The following CRYBG1 variants were observed in gnomAD, a reference collection of about 807,000 sequenced individuals.
The protein encoded by CRYBG1 is beta/gamma crystallin domain-containing protein 1.
Under a neutral mutation model 189.2 loss-of-function variants are expected in CRYBG1, and 139 were observed. The observed-to-expected ratio is 0.73, with a 90% CI of 0.64 to 0.85. CRYBG1 has a LOEUF of 0.85. Ranked by LOEUF, CRYBG1 falls within the 40% of genes least tolerant of loss-of-function variation. The pLI is 0.00. For missense variants in CRYBG1, 2,611 were observed against 2,675.8 expected, an observed-to-expected ratio of 0.98 and a Z score of 0.53; for synonymous variants, 1,023 against 1,017.1, an observed-to-expected ratio of 1.01 and a Z score of -0.11.
At chr6:106,436,593 G>A (rs1381119647) in intron 1 of CRYBG1, among the ~76,000 whole-genome samples, 3 of 90,524 alleles carry the variant, frequency 3.3e-5, no homozygotes, top group South Asian at 4.8e-4. Flanking sequence ...GCGCCCGGCC[G>A]CAATCTTATT....
intron 1 of CRYBG1, among the ~76,000 whole-genome samples, chr6:106,362,374 A>G (rs1244127266): frequency 3.9e-5 from 6 of 152,200 alleles, no homozygotes; most frequent in African/African-American, 1.4e-4. Context: ...AAAAACAATG[A>G]GAGACAGGAA....
intron 1 of CRYBG1, among the ~76,000 whole-genome samples, chr6:106,404,839 T>A (rs1770792352): frequency 6.6e-6 from 1 of 152,086 alleles, no homozygotes; most frequent in South Asian, 2.1e-4. Context: ...TGAGGAACGG[T>A]GCACTCTGGC....
At chr6:106,372,289 T>G (rs1050485387) in intron 1 of CRYBG1, among the ~76,000 whole-genome samples, 1 of 152,182 alleles carries the variant, frequency 6.6e-6, no homozygotes, top group East Asian at 1.9e-4. Flanking sequence ...GGGTCTCCAG[T>G]TGCTCAGGCT....
intron 2 of CRYBG1, among the ~76,000 whole-genome samples, chr6:106,504,029 GA>G (rs33971164): frequency 5.1e-4 from 45 of 88,544 alleles, no homozygotes; most frequent in Middle Eastern, 6.8e-3. Context: ...GACAGCATTA[GA>G]AAAAAAAAAA....
intron 2 of CRYBG1, among the ~76,000 whole-genome samples, chr6:106,452,433 A>T (rs1027044151): frequency 6.6e-6 from 1 of 151,772 alleles, no homozygotes; most frequent in Non-Finnish European, 1.5e-5. Context: ...AAAAAAAAAA[A>T]AAAAAGAATG....
intron 2 of CRYBG1, among the ~76,000 whole-genome samples, chr6:106,483,739 G>A (rs1772528690): frequency 6.6e-6 from 1 of 151,964 alleles, no homozygotes; most frequent in Non-Finnish European, 1.5e-5. Context: ...AACTCATTGT[G>A]GTTTTGATTT....
At chr6:106,564,016 T>C in intron 21 of CRYBG1, 90 bp downstream of exon 21, 1 of 1,351,162 alleles carries the variant, frequency 7.4e-7, no homozygotes, top group East Asian at 2.3e-5. Context: ...AAATGATGAA[T>C]GTATTATTAG....
chr6:106,489,665 A>C, intron 2 of CRYBG1, among the ~76,000 whole-genome samples: 1 of 75,496 alleles, frequency 1.3e-5, no homozygotes, highest in East Asian at 3.8e-4. Context: ...CTAAAAATAC[A>C]AAAAAAAAAA....
Position 106,512,275 on chromosome 6 carries a change from G to A in CRYBG1, c.1158G>A (p.Glu386=). 5 of 1,571,296 alleles carry A rather than the reference G, an allele frequency of 3.2e-6. No individual in the cohort carries two copies. The change falls in exon 3 of 22, where the codon GAG becomes GAA. Residue 386 remains glutamate (E), a synonymous_variant. Coordinates refer to ENST00000633556, the MANE Select transcript of CRYBG1 (RefSeq NM_001371242.2). ...LTLDIYLSKT[E]GAQVDEPVVI... Reference sequence around the variant, plus strand: ...TGGACATCTACTTGAGTAAGACTGAGGGGGCACAAGTGGACGAGCCGGTCG... The same window carrying A: ...TGGACATCTACTTGAGTAAGACTGAAGGGGCACAAGTGGACGAGCCGGTCG...
chr6:106,371,879 G>T (rs972252565), intron 1 of CRYBG1, among the ~76,000 whole-genome samples: 1 of 152,190 alleles, frequency 6.6e-6, no homozygotes, highest in African/African-American at 2.4e-5. Flanking sequence ...TGCATTGCTG[G>T]CACTTAATTG....
At chr6:106,504,725 A>G (rs1773092378) in intron 2 of CRYBG1, among the ~76,000 whole-genome samples, 1 of 152,060 alleles carries the variant, frequency 6.6e-6, no homozygotes. Flanking sequence ...AGAAAGGAAA[A>G]CACAAACGGA....
chr6:106,419,291 C>T (rs917095285), intron 1 of CRYBG1, among the ~76,000 whole-genome samples: 12 of 152,232 alleles, frequency 7.9e-5, no homozygotes, highest in African/African-American at 2.7e-4. Context: ...CAAGGACTTT[C>T]GTACCCTTAC....
At chr6:106,402,151 C>T (rs1479664437) in intron 1 of CRYBG1, among the ~76,000 whole-genome samples, 1 of 118,436 alleles carries the variant, frequency 8.4e-6, no homozygotes, top group Non-Finnish European at 1.7e-5. Context: ...TAAAAGAGGA[C>T]ACAAACAAAT....
rs773506640 is a variant in CRYBG1 at position 106,519,186 on chromosome 6, A to G, written c.1978A>G (p.Ser660Gly). The G allele has an allele frequency of 3.1e-6, 5 of 1,614,166 alleles. No homozygotes were observed. Among genetic ancestry groups the G allele is most frequent in the African/African-American group, 2.7e-5 (2 of 75,044 alleles). ...TCTTAAAACCCCTAAGAATCTTGAC[A>G]GTTTGGGAAATGAGCACAATCCATT... is the stretch of plus-strand genomic sequence containing the variant. ...LNLKTPKNLD[S>G]LGNEHNPFSQ... is the part of the protein sequence containing the mutation. Residue 660 changes from serine to glycine, a missense_variant, in exon 4 of 22, where the codon AGT (serine) becomes GGT (glycine). Ser to Gly is a moderately conservative substitution (Grantham distance 56). Around this residue, in one of 3 missense-constraint regions of CRYBG1, gnomAD observed 985 missense variants for 924.4 expected, o/e 1.07. Coordinates refer to ENST00000633556, the MANE Select transcript of CRYBG1 (RefSeq NM_001371242.2).
At chr6:106,564,046 C>A in intron 21 of CRYBG1, 120 bp downstream of exon 21, 1 of 1,063,112 alleles carries the variant, frequency 9.4e-7, no homozygotes, top group Non-Finnish European at 1.4e-6. Context: ...TAAGAGAGCC[C>A]CTACTGTGTG....
At chr6:106,432,840 C>CTT (rs5878888) in intron 1 of CRYBG1, among the ~76,000 whole-genome samples, 7,381 of 128,746 alleles carry the variant, frequency 0.057, 782 homozygotes, top group African/African-American at 0.19. Context: ...TCTTTTCTTT[C>CTT]TTTTTTTTTT....
chr6:106,429,234 A>T (rs1366018904), intron 1 of CRYBG1, among the ~76,000 whole-genome samples: 2 of 152,196 alleles, frequency 1.3e-5, no homozygotes, highest in Non-Finnish European at 2.9e-5. Context: ...AAAGGATGAC[A>T]TGTGCTTGAG....
intron 2 of CRYBG1, among the ~76,000 whole-genome samples, chr6:106,507,669 C>T (rs1353795452): frequency 6.6e-6 from 1 of 152,184 alleles, no homozygotes; most frequent in East Asian, 1.9e-4. Context: ...AACTCCCAGG[C>T]CAGCTAGTTT....
In CRYBG1 at chr6:106,511,282, G is replaced by A. The variant is rs1466599036; in HGVS notation, c.313-148G>A. On this transcript the variant is annotated intron_variant, in intron 2 of 21. Transcript: ENST00000633556. ...AAGTAAAACCAGAGTTTATTTTGTT[G>A]GAATGAATGTAACATAAACATAACT... 6.4e-6 allele frequency: 5 copies of A among 785,346 alleles called. No homozygotes were observed. The East Asian group carries it at 1.4e-4, about 23-fold the overall frequency. 48.6% of individuals were successfully genotyped at this position (785,346 alleles called of 1,614,324 possible). A position where few individuals can be genotyped will look rare whatever the true frequency, so the allele number is the denominator to read the frequency against.
Sources: allele counts gnomAD v4.1 joint callset (sites outside exome capture counted in the v4.1 genomes callset), GRCh38; gene constraint gnomAD v4.1.1; regional missense constraint gnomAD v4.1.1; transcripts MANE v1.5; gene names NCBI Gene and HGNC (gene_info 2026-07-23, HGNC 2026-07-21).